SHB: variants seen among roughly 807,000 people sequenced by gnomAD.
SHB encodes the protein SH2 domain-containing adapter protein B.
In SHB, 20 loss-of-function variants were observed where a neutral mutation model predicts 52.3. That is an observed-to-expected ratio of 0.38 (90% CI 0.27 to 0.56). The LOEUF is 0.56. SHB is among the 20% of genes least tolerant of loss of function. The pLI, the probability that SHB is intolerant of heterozygous loss-of-function variation, is 0.71. For synonymous variants in SHB, 397 were observed against 316.5 expected (o/e 1.25, Z -2.70); for missense variants, 825 against 723.3 (o/e 1.14, Z -1.61).
At chr9:38,067,607 C>T (rs970469811) in intron 1 of SHB, among the ~76,000 whole-genome samples, 3 of 152,186 alleles carry the variant, frequency 2.0e-5, no homozygotes, top group Non-Finnish European at 2.9e-5. Context: ...CTTCGAAGTC[C>T]TAGACAGCTC....
At chr9:37,967,495 AG>A (rs1283204319) in intron 3 of SHB, among the ~76,000 whole-genome samples, 1 of 152,260 alleles carries the variant, frequency 6.6e-6, no homozygotes, top group Non-Finnish European at 1.5e-5. Context: ...ACTCCAGTAC[AG>A]GGTGTAGTAG....
intron 3 of SHB, among the ~76,000 whole-genome samples, chr9:37,974,283 C>T (rs1820626378): frequency 6.6e-6 from 1 of 151,848 alleles, no homozygotes; most frequent in Non-Finnish European, 1.5e-5. Context: ...ATAAATAAAC[C>T]AAAAACTGAA....
At chr9:37,979,408 C>A (rs1272536684) in intron 2 of SHB, among the ~76,000 whole-genome samples, 4 of 152,096 alleles carry the variant, frequency 2.6e-5, no homozygotes, top group African/African-American at 9.7e-5. Flanking sequence ...TAAGAATTTG[C>A]CTGGGCCCAT....
intron 1 of SHB, among the ~76,000 whole-genome samples, chr9:38,058,750 T>C (rs1033664911): frequency 6.6e-6 from 1 of 152,138 alleles, no homozygotes; most frequent in Non-Finnish European, 1.5e-5. Context: ...TATAGATCTC[T>C]GCATTGCTCC....
intron 5 of SHB, among the ~76,000 whole-genome samples, chr9:37,935,154 G>A (rs533355383): frequency 6.6e-6 from 1 of 152,304 alleles, no homozygotes; most frequent in African/African-American, 2.4e-5. Flanking sequence ...GGGTGTCCGG[G>A]TCACACCATC....
chr9:37,968,882 A>AGT (rs1820561796), intron 3 of SHB, among the ~76,000 whole-genome samples: 1 of 152,124 alleles, frequency 6.6e-6, no homozygotes. Flanking sequence ...AAGGACAGGG[A>AGT]GTGGGACTCT....
intron 2 of SHB, among the ~76,000 whole-genome samples, chr9:38,002,853 G>C (rs1444207203): frequency 6.6e-6 from 1 of 152,180 alleles, no homozygotes; most frequent in Non-Finnish European, 1.5e-5. Flanking sequence ...GAGACCGTGA[G>C]TTTTAAGATC....
Position 37,983,794 on chromosome 9 carries a change from A to T in SHB, c.839-8957T>A, listed in dbSNP as rs1025459906. Among the ~76,000 whole-genome samples the T allele has an allele frequency of 4.6e-5, 7 of 152,350 alleles. No homozygotes were observed. In the East Asian group the frequency reaches 1.4e-3, roughly 29 times the overall value. On this transcript the variant is annotated intron_variant, in intron 2 of 5. Coordinates refer to ENST00000377707, the MANE Select transcript of SHB (RefSeq NM_003028.3). Reference sequence around the variant, plus strand: ...TGCCCGAGACGCCAGGGTTGCAGGTAGATTAGGCTCAGGGCCCCAGCGGTG... The same window carrying T: ...TGCCCGAGACGCCAGGGTTGCAGGTTGATTAGGCTCAGGGCCCCAGCGGTG...
intron 5 of SHB, among the ~76,000 whole-genome samples, chr9:37,941,872 G>A (rs899009348): frequency 2.0e-5 from 3 of 152,130 alleles, no homozygotes; most frequent in Admixed American, 6.5e-5. Flanking sequence ...ATGCTTGGAC[G>A]GCAGAAGGAA....
intron 1 of SHB, among the ~76,000 whole-genome samples, chr9:38,020,022 CAG>C (rs1395705481): frequency 1.3e-5 from 2 of 152,176 alleles, no homozygotes; most frequent in African/African-American, 4.8e-5. Context: ...AAAAACAAAA[CAG>C]AAACCTGTAT....
rs1274632742 is a variant in SHB at position 37,918,589 on chromosome 9, T to TCCATGGG, written c.*1225_*1231dup. Among the ~76,000 whole-genome samples the TCCATGGG allele has an allele frequency of 2.8e-3, 419 of 152,204 alleles. No individual in the cohort carries two copies. Among genetic ancestry groups the TCCATGGG allele is most frequent in the African/African-American group, 9.4e-3 (391 of 41,496 alleles). ...CCTGGGAGGTCAGGATTCTCCCTCC[T>TCCATGGG]CCATGGGCAGGGTGACAGCAAGGCC... On this transcript the variant is annotated 3_prime_UTR_variant, in exon 6 of 6. Coordinates refer to ENST00000377707, the MANE Select transcript of SHB (RefSeq NM_003028.3).
At chr9:37,946,616 T>G (rs1199999128) in intron 5 of SHB, among the ~76,000 whole-genome samples, 1 of 152,170 alleles carries the variant, frequency 6.6e-6, no homozygotes, top group East Asian at 1.9e-4. Context: ...GGCTCAGTAC[T>G]TCCCCACCTC....
chr9:38,030,563 AGGGACTGAT>A (rs1173729623), intron 1 of SHB, among the ~76,000 whole-genome samples: 1 of 152,210 alleles, frequency 6.6e-6, no homozygotes, highest in African/African-American at 2.4e-5. Flanking sequence ...CCAGTATATC[AGGGACTGAT>A]GTTTATAGTT....
At chr9:37,921,973 A>G (rs1832186026) in intron 5 of SHB, among the ~76,000 whole-genome samples, 2 of 152,230 alleles carry the variant, frequency 1.3e-5, no homozygotes, top group Non-Finnish European at 1.5e-5. Context: ...GCGAGAGAGC[A>G]GGGCTGGTAA....
chr9:38,062,550 G>A (rs1218348908), intron 1 of SHB, among the ~76,000 whole-genome samples: 1 of 152,158 alleles, frequency 6.6e-6, no homozygotes, highest in Non-Finnish European at 1.5e-5. Context: ...AACATGTGCT[G>A]GAGGAGGAGA....
Position 37,916,719 on chromosome 9 carries a change from C to T in SHB, c.*3102G>A, listed in dbSNP as rs940620543. Among the ~76,000 whole-genome samples the T allele has an allele frequency of 6.6e-6, 1 of 152,202 alleles. No individual in the cohort carries two copies. The highest frequency in any genetic ancestry group is 1.5e-5 in the Non-Finnish European group (1 of 68,034). ...GGAGAGGGTGTCAGCCTGGGCCATT[C>T]TTCTGACTTCAGGACGGGACTGGCA... On this transcript the variant is annotated 3_prime_UTR_variant, in exon 6 of 6. Coordinates refer to ENST00000377707, the MANE Select transcript of SHB (RefSeq NM_003028.3).
chr9:38,026,004 G>A (rs901827079), intron 1 of SHB, among the ~76,000 whole-genome samples: 2 of 152,186 alleles, frequency 1.3e-5, no homozygotes, highest in African/African-American at 2.4e-5. Flanking sequence ...AGCTTAATTC[G>A]AGGCATTTTT....
chr9:38,043,512 G>C (rs948890930), intron 1 of SHB, among the ~76,000 whole-genome samples: 1 of 152,180 alleles, frequency 6.6e-6, no homozygotes, highest in East Asian at 1.9e-4. Flanking sequence ...GGAGAGAAAC[G>C]CAAGGTGTCT....
In SHB at chr9:37,982,978, C is replaced by CCCCG. The variant is rs1554702682; in HGVS notation, c.839-8142_839-8141insCGGG. On this transcript the variant is annotated intron_variant, in intron 2 of 5. Transcript: ENST00000377707. ...AATCAGCAGGCCTCTCTGGTGCCCC[C>CCCCG]CCCTCCATCTTTTCCAGCTGTGCTG... is the stretch of plus-strand genomic sequence containing the variant. Among the ~76,000 whole-genome samples the CCCCG allele has an allele frequency of 4.6e-5, 7 of 151,478 alleles. No homozygotes were observed. In the South Asian group the frequency reaches 1.5e-3, roughly 32 times the overall value.
Sources: gnomAD v4.1 joint callset for allele counts (sites outside exome capture counted in the v4.1 genomes callset) on GRCh38, gnomAD v4.1.1 for gene constraint, MANE v1.5 for transcripts, NCBI Gene and HGNC (gene_info 2026-07-23, HGNC 2026-07-21) for gene names.